The following SUGCT variants were observed in gnomAD, a reference collection of about 807,000 sequenced individuals.
SUGCT encodes succinyl-CoA:glutarate CoA-transferase.
In SUGCT, 41 loss-of-function variants were observed where a neutral mutation model predicts 55.0. The ratio of observed to expected loss-of-function variants is 0.74; its 90% CI spans 0.58 to 0.97. The LOEUF (loss-of-function observed/expected upper bound fraction) is 0.97. Ranked by LOEUF, SUGCT falls within the 50% of genes least tolerant of loss-of-function variation. The pLI is 0.00. For missense variants in SUGCT, 568 were observed against 547.8 expected (o/e 1.04, Z -0.37); for synonymous variants, 187 against 200.4 (o/e 0.93, Z 0.56).
intron 12 of SUGCT, among the ~76,000 whole-genome samples, chr7:40,742,536 T>C (rs1434039958): frequency 6.6e-6 from 1 of 152,164 alleles, no homozygotes; most frequent in Non-Finnish European, 1.5e-5. Context: ...AATCTAATGC[T>C]GCCGCTCATC....
At chr7:40,749,552 T>C (rs1787902964) in intron 13 of SUGCT, 55 bp downstream of exon 13, 2 of 1,376,494 alleles carry the variant, frequency 1.5e-6, no homozygotes. Flanking sequence ...TTGTCCCATA[T>C]GCTGTTTACT....
intron 12 of SUGCT, among the ~76,000 whole-genome samples, chr7:40,582,732 A>G (rs1042659444): frequency 1.3e-5 from 2 of 152,072 alleles, no homozygotes; most frequent in African/African-American, 4.8e-5. Context: ...CTTTGCTTCA[A>G]CTTCCTCATC....
the SUGCT span, among the ~76,000 whole-genome samples, chr7:40,972,939 T>C: frequency 6.6e-6 from 1 of 152,232 alleles, no homozygotes; most frequent in African/African-American, 2.4e-5. Flanking sequence ...CACGTATAAC[T>C]ATAGCTTTTC....
intron 12 of SUGCT, among the ~76,000 whole-genome samples, chr7:40,544,149 T>C (rs1005705732): frequency 2.7e-5 from 4 of 145,864 alleles, no homozygotes; most frequent in African/African-American, 5.1e-5. Context: ...TTTTTTTTTT[T>C]AGGGCAGTTT....
At chr7:40,411,912 TA>T (rs1218377587) in intron 9 of SUGCT, among the ~76,000 whole-genome samples, 1 of 148,920 alleles carries the variant, frequency 6.7e-6, no homozygotes, top group Admixed American at 6.8e-5. Context: ...TATGACTCAA[TA>T]AAAAAAGTAA....
At chr7:40,924,400 C>T in the SUGCT span, among the ~76,000 whole-genome samples, 2 of 152,138 alleles carry the variant, frequency 1.3e-5, no homozygotes, top group South Asian at 4.2e-4. Context: ...CCAGCATGCA[C>T]CACTATGCTC....
intron 12 of SUGCT, among the ~76,000 whole-genome samples, chr7:40,518,088 A>G (rs1793343979): frequency 6.6e-6 from 1 of 152,100 alleles, no homozygotes; most frequent in Non-Finnish European, 1.5e-5. Context: ...ACAGAACTTT[A>G]TGCACTTATC....
chr7:40,687,653 A>G (rs932660056), intron 12 of SUGCT, among the ~76,000 whole-genome samples: 4 of 152,104 alleles, frequency 2.6e-5, no homozygotes, highest in African/African-American at 4.8e-5. Context: ...TCCCACAAAC[A>G]CCATACCGTT....
intron 13 of SUGCT, chr7:40,775,586 A>C (rs1554418758): frequency 6.6e-6 from 1 of 152,184 alleles, no homozygotes; most frequent in Non-Finnish European, 1.5e-5. Context: ...GGTTCAGGTC[A>C]ATTAAAGATG....
chr7:40,607,599 A>G (rs1798590520), intron 12 of SUGCT, among the ~76,000 whole-genome samples: 1 of 152,208 alleles, frequency 6.6e-6, no homozygotes, highest in Admixed American at 6.5e-5. Context: ...CAATTAGTAA[A>G]CATGTATTGA....
At chr7:40,595,750 A>T (rs1398905591) in intron 12 of SUGCT, among the ~76,000 whole-genome samples, 1 of 152,160 alleles carries the variant, frequency 6.6e-6, no homozygotes, top group Non-Finnish European at 1.5e-5. Flanking sequence ...TTAAAGGTCA[A>T]ATGTGGTAAC....
Position 40,135,061 on chromosome 7 carries a change from C to T in SUGCT, c.41C>T (p.Thr14Ile), listed in dbSNP as rs1404006124. The change falls in exon 1 of 14, where the codon ACC becomes ATC. Residue 14 changes from threonine (T) to isoleucine (I), a missense_variant. Thr to Ile is a moderately conservative substitution (Grantham distance 89). Transcript: ENST00000335693. Reference protein sequence around the residue: ...TLARVAALRRTCLFSGRGGGR... With the variant: ...TLARVAALRRICLFSGRGGGR... Reference sequence around the variant, plus strand: ...GCGAGGGTGGCAGCTCTGCGCAGAACCTGCCTCTTCTCCGGCCGGGGCGGC... The same window carrying T: ...GCGAGGGTGGCAGCTCTGCGCAGAATCTGCCTCTTCTCCGGCCGGGGCGGC... 1.9e-6 allele frequency: 3 copies of T among 1,561,544 alleles called. No individual in the cohort carries two copies. The highest frequency in any genetic ancestry group is 3.8e-5 in the Admixed American group (2 of 52,674).
intron 13 of SUGCT, among the ~76,000 whole-genome samples, chr7:40,800,986 G>A (rs1445501870): frequency 6.6e-6 from 1 of 152,172 alleles, no homozygotes; most frequent in Non-Finnish European, 1.5e-5. Flanking sequence ...GCCACTGCCA[G>A]GGTTTGTGTT....
At chr7:40,908,151 G>C in the SUGCT span, among the ~76,000 whole-genome samples, 1 of 151,910 alleles carries the variant, frequency 6.6e-6, no homozygotes, top group South Asian at 2.1e-4. Context: ...GGCTGAGGCA[G>C]GCGGATCACG....
intron 8 of SUGCT, among the ~76,000 whole-genome samples, chr7:40,278,827 AT>A (rs1554300621): frequency 4.3e-5 from 2 of 46,970 alleles, no homozygotes; most frequent in African/African-American, 9.2e-5. Context: ...CAGATCTTAC[AT>A]TTTTTTTTTT....
At chr7:40,214,495 A>G (rs1039004437) in intron 6 of SUGCT, among the ~76,000 whole-genome samples, 2 of 152,212 alleles carry the variant, frequency 1.3e-5, no homozygotes, top group Non-Finnish European at 1.5e-5. Flanking sequence ...TTACTCTGCC[A>G]CTAAACTAAG....
At chr7:40,422,065 G>T (rs937517372) in intron 9 of SUGCT, among the ~76,000 whole-genome samples, 1 of 151,404 alleles carries the variant, frequency 6.6e-6, no homozygotes, top group African/African-American at 2.4e-5. Context: ...CATGTTTCAC[G>T]GGACTGTTTG....
rs377178956 is a variant in SUGCT, at chr7:40,140,983, G to A, written c.100+5863G>A. Among the ~76,000 whole-genome samples the A allele has an allele frequency of 3.9e-4, 59 of 152,186 alleles. 1 individual carries two copies. In the South Asian group the frequency reaches 0.012, roughly 31 times the overall value. On this transcript the variant is annotated intron_variant, in intron 1 of 13. Coordinates refer to ENST00000335693, the MANE Select transcript of SUGCT (RefSeq NM_001193313.2). ...AATTCTTTCAGCCTACGTGCATGGG[G>A]TGTTTTTCCATTTTTTTGTTTCATC...
chr7:40,441,311 A>G (rs1041026440), intron 9 of SUGCT, among the ~76,000 whole-genome samples: 1 of 152,074 alleles, frequency 6.6e-6, no homozygotes, highest in Non-Finnish European at 1.5e-5. Flanking sequence ...GGTGGGATTC[A>G]TTTTGCTATT....
Sources: allele counts gnomAD v4.1 joint callset (sites outside exome capture counted in the v4.1 genomes callset), GRCh38; gene constraint gnomAD v4.1.1; transcripts MANE v1.5; gene names NCBI Gene and HGNC (gene_info 2026-07-23, HGNC 2026-07-21).